The following PCDH11X variants were observed in gnomAD, a reference collection of about 807,000 sequenced individuals.
PCDH11X encodes protocadherin 11 X-linked.
Under a neutral mutation model 53.3 loss-of-function variants are expected in PCDH11X, and 18 were observed. That is an observed-to-expected ratio of 0.34 (90% CI 0.23 to 0.50). The LOEUF (loss-of-function observed/expected upper bound fraction) is 0.50. Ranked by LOEUF, PCDH11X falls within the 20% of genes least tolerant of loss-of-function variation. The pLI is 0.98. For missense variants in PCDH11X, 570 were observed against 1,032.4 expected (o/e 0.55, Z 6.14); for synonymous variants, 279 against 393.3 (o/e 0.71, Z 3.44).
chrX:92,473,623 C>T (rs745812403), intron 10 of PCDH11X, among the ~76,000 whole-genome samples: 1 of 110,817 alleles, frequency 9.0e-6, no homozygotes, highest in Non-Finnish European at 1.9e-5. Context: ...TTGCTATATC[C>T]CATAGGGCTC....
At chrX:92,195,950 A>ATTAT (rs1242639427) in intron 6 of PCDH11X, among the ~76,000 whole-genome samples, 1 of 112,205 alleles carries the variant, frequency 8.9e-6, no homozygotes, top group Non-Finnish European at 1.9e-5. Context: ...GAGAGGAAAC[A>ATTAT]TTATTAAATT....
intron 8 of PCDH11X, among the ~76,000 whole-genome samples, chrX:92,341,391 C>A (rs914447798): frequency 3.6e-5 from 4 of 111,530 alleles, no homozygotes; most frequent in Non-Finnish European, 7.5e-5. Flanking sequence ...TCCTTGATAC[C>A]AAATTTTTGT....
intron 6 of PCDH11X, among the ~76,000 whole-genome samples, chrX:92,022,586 C>T (rs2062903581): frequency 9.8e-6 from 1 of 102,131 alleles, no homozygotes; most frequent in Admixed American, 1.1e-4. Flanking sequence ...TAGTGGAAGA[C>T]CTTAACACCC....
intron 6 of PCDH11X, among the ~76,000 whole-genome samples, chrX:91,928,943 A>G (rs1203544652): frequency 9.0e-6 from 1 of 111,014 alleles, no homozygotes; most frequent in African/African-American, 3.3e-5. Flanking sequence ...GTGTGTATAT[A>G]TAAACATTTG....
intron 5 of PCDH11X, among the ~76,000 whole-genome samples, chrX:91,872,388 A>G (rs1939370892): frequency 9.1e-6 from 1 of 110,137 alleles, no homozygotes; most frequent in African/African-American, 3.3e-5. Context: ...CAGACTGAGA[A>G]TTAAGAACAA....
At chrX:91,929,350 T>A (rs113412444) in intron 6 of PCDH11X, among the ~76,000 whole-genome samples, 1,850 of 110,489 alleles carry the variant, frequency 0.017, 36 homozygotes, top group African/African-American at 0.057. Context: ...GTTTGCTGAG[T>A]TCTTACTATG....
chrX:92,173,399 G>A (rs1420057302), intron 6 of PCDH11X, among the ~76,000 whole-genome samples: 2 of 111,251 alleles, frequency 1.8e-5, no homozygotes, highest in East Asian at 2.8e-4. Flanking sequence ...GTTGTTTGAG[G>A]CAATCATTGC....
At chrX:92,528,217 T>C (rs2074491291) in intron 10 of PCDH11X, among the ~76,000 whole-genome samples, 1 of 112,688 alleles carries the variant, frequency 8.9e-6, no homozygotes, top group Middle Eastern at 4.6e-3. Flanking sequence ...AAAATTATAT[T>C]CACACACACA....
chrX:92,555,627 G>A, intron 10 of PCDH11X, among the ~76,000 whole-genome samples: 1 of 111,730 alleles, frequency 9.0e-6, no homozygotes, highest in Non-Finnish European at 1.9e-5. Context: ...GATAAGTAGT[G>A]CTATGGCTAT....
intron 9 of PCDH11X, among the ~76,000 whole-genome samples, chrX:92,409,766 G>T (rs1328175087): frequency 8.9e-6 from 1 of 111,891 alleles, no homozygotes; most frequent in Non-Finnish European, 1.9e-5. Context: ...AACTGTATTT[G>T]ATTCACATTT....
intron 5 of PCDH11X, among the ~76,000 whole-genome samples, chrX:91,849,736 CT>C (rs1937900584): frequency 1.9e-5 from 2 of 107,030 alleles, no homozygotes; most frequent in African/African-American, 6.8e-5. Flanking sequence ...ACTTCAAAGT[CT>C]ATTACCTGAG....
Position 92,387,807 on chromosome X carries a change from C to T in PCDH11X, c.3217C>T (p.His1073Tyr). The T allele has an allele frequency of 8.3e-7, 1 of 1,211,804 alleles. No individual in the cohort carries two copies. The highest frequency in any genetic ancestry group is 2.2e-5 in the Admixed American group (1 of 46,051). Reference protein sequence around the residue: ...ESSSDGGLGDHDAGSLTSTSH... With the variant: ...ESSSDGGLGDYDAGSLTSTSH... ...CAGCAGTGATGGTGGACTGGGAGAC[C>T]ATGATGCAGGCAGCCTTACCAGCAC... The change falls in exon 9 of 11, where the codon CAT (histidine) becomes TAT (tyrosine). Residue 1073 changes from histidine to tyrosine, a missense_variant. Physicochemically the swap from His to Tyr is moderately conservative, Grantham distance 83. Around this residue, in one of 6 missense-constraint regions of PCDH11X, gnomAD observed 234 missense variants for 296.1 expected, o/e 0.79. Transcript: ENST00000682573.
chrX:92,396,684 A>G (rs1441470298), intron 9 of PCDH11X, among the ~76,000 whole-genome samples: 1 of 105,390 alleles, frequency 9.5e-6, no homozygotes, highest in Non-Finnish European at 1.9e-5. Context: ...TGTCTACAAA[A>G]ATACAAAAAT....
intron 6 of PCDH11X, among the ~76,000 whole-genome samples, chrX:92,024,728 A>C (rs200834605): frequency 0.087 from 9,344 of 107,632 alleles, 457 homozygotes; most frequent in East Asian, 0.3. Flanking sequence ...CAAAAAAAAA[A>C]AAAAAAAAAC....
At chrX:92,405,715 A>G (rs2071491315) in intron 9 of PCDH11X, among the ~76,000 whole-genome samples, 1 of 107,135 alleles carries the variant, frequency 9.3e-6, no homozygotes, top group Non-Finnish European at 1.9e-5. Flanking sequence ...ACACCACTGT[A>G]AGATATGAAA....
intron 8 of PCDH11X, among the ~76,000 whole-genome samples, chrX:92,321,205 T>G (rs1002996967): frequency 9.9e-6 from 1 of 100,655 alleles, no homozygotes; most frequent in African/African-American, 3.7e-5. Flanking sequence ...TTTTTTTTTT[T>G]TTTTTGAGAT....
At chrX:91,954,134 G>C in intron 6 of PCDH11X, among the ~76,000 whole-genome samples, 1 of 109,153 alleles carries the variant, frequency 9.2e-6, no homozygotes, top group Non-Finnish European at 1.9e-5. Context: ...TACCACGACA[G>C]GCCCCAGTAT....
chrX:91,816,131 A>AC lies in PCDH11X; in HGVS notation c.-45+4843dup, dbSNP rs953641741. Among the ~76,000 whole-genome samples the AC allele has an allele frequency of 1.5e-4, 16 of 109,992 alleles. No individual in the cohort carries two copies. In the East Asian group the frequency reaches 2.3e-3, roughly 16 times the overall value. Reference sequence around the variant, plus strand: ...TAATAGAGCAAGACTCAGTCCCCACACCCCCCCAAAAAAAATCTCCAATAC... The same window carrying AC: ...TAATAGAGCAAGACTCAGTCCCCACACCCCCCCCAAAAAAAATCTCCAATAC... On this transcript the variant is annotated intron_variant, in intron 4 of 10. Transcript: ENST00000682573.
intron 5 of PCDH11X, 104 bp downstream of exon 5, chrX:91,836,148 T>C (rs1443226585): frequency 2.1e-6 from 2 of 935,802 alleles, no homozygotes; most frequent in Non-Finnish European, 1.4e-6. Flanking sequence ...ATCACCCCAA[T>C]TTTTCAAAAT....
Sources: allele counts gnomAD v4.1 joint callset (sites outside exome capture counted in the v4.1 genomes callset), GRCh38; gene constraint gnomAD v4.1.1; regional missense constraint gnomAD v4.1.1; transcripts MANE v1.5; gene names NCBI Gene and HGNC (gene_info 2026-07-23, HGNC 2026-07-21).